CRISPLD1: variants seen among roughly 807,000 people sequenced by gnomAD.
The protein encoded by CRISPLD1 is cysteine rich secretory protein LCCL domain containing 1.
A neutral mutation model predicts 77.5 loss-of-function variants in CRISPLD1; 60 were observed. That is an observed-to-expected ratio of 0.77 (90% confidence interval 0.63 to 0.96). The LOEUF is 0.96. Among genes scored for constraint, CRISPLD1 ranks in the 40% least tolerant of loss-of-function variants. CRISPLD1 has a pLI of 0.00. For missense variants in CRISPLD1, 623 were observed against 615.8 expected, an observed-to-expected ratio of 1.01 and a Z score of -0.12; for synonymous variants, 195 against 200.1, an observed-to-expected ratio of 0.97 and a Z score of 0.22.
At position 75,016,651 on chromosome 8, in the gene CRISPLD1, C is replaced by T. The variant is rs372412795; in HGVS notation, c.814C>T (p.Arg272Trp). ...GTCACAAGTCCATGACACCCATGTC[C>T]GGACAAGATCAGATGATAGTAGCAG... ...QQSQVHDTHV[R>W]TRSDDSSRNE... The change falls in exon 7 of 15, where the codon CGG becomes TGG. Residue 272 changes from arginine (R) to tryptophan (W), a missense_variant. Physicochemically the swap from Arg to Trp is moderately radical, Grantham distance 101. Coordinates refer to ENST00000262207, the MANE Select transcript of CRISPLD1 (RefSeq NM_031461.6). 101 of 1,612,966 alleles carry T rather than the reference C, an allele frequency of 6.3e-5. No homozygotes were observed. Among genetic ancestry groups the T allele is most frequent in the Non-Finnish European group, 8.1e-5 (95 of 1,179,388 alleles).
chr8:75,005,717 T>A (rs1812817057), intron 2 of CRISPLD1, among the ~76,000 whole-genome samples: 1 of 152,134 alleles, frequency 6.6e-6, no homozygotes, highest in African/African-American at 2.4e-5. Context: ...TAAAGAAGGA[T>A]GTTTGGGGAA....
intron 2 of CRISPLD1, among the ~76,000 whole-genome samples, chr8:74,991,565 C>T (rs1264811644): frequency 6.6e-6 from 1 of 152,136 alleles, no homozygotes; most frequent in Non-Finnish European, 1.5e-5. Flanking sequence ...CTCCTTATGC[C>T]CTTGTGCTGG....
rs1268773555 is a variant in CRISPLD1, at chr8:75,012,426, A to C, written c.259-7A>C. 1 of 1,589,732 alleles carries C rather than the reference A, an allele frequency of 6.3e-7. No homozygotes were observed. Among genetic ancestry groups the C allele is most frequent in the Non-Finnish European group, 8.6e-7 (1 of 1,158,268 alleles). ...TGTGCACATTTTGCTTTTGTTTTAAACTGTAGACATGGGATGTAGAGCTGG... is the reference window on the plus strand; with the variant it reads ...TGTGCACATTTTGCTTTTGTTTTAACCTGTAGACATGGGATGTAGAGCTGG... On this transcript the variant is annotated splice_region_variant and splice_polypyrimidine_tract_variant and intron_variant, in intron 2 of 14. Transcript: ENST00000262207.
At chr8:75,017,552 G>A (rs1409124395) in intron 10 of CRISPLD1, 102 bp downstream of exon 10, 1 of 1,035,000 alleles carries the variant, frequency 9.7e-7, no homozygotes, top group Non-Finnish European at 1.3e-6. Context: ...TAAGAAGAAA[G>A]AATTTGGTTA....
At position 75,034,236 on chromosome 8, in the gene CRISPLD1, A is replaced by G. The variant is rs1813407272; in HGVS notation, c.*1994A>G. ...TGTTCATATTGTTTACCTATCTTCT[A>G]CACAAGGCGTGTCCTTGGGTAAGTT... is the stretch of plus-strand genomic sequence containing the variant. On this transcript the variant is annotated 3_prime_UTR_variant, in exon 15 of 15. Transcript: ENST00000262207. 6.6e-6 allele frequency: 1 copy of G among 152,108 alleles called. No homozygotes were observed. Among genetic ancestry groups the G allele is most frequent in the South Asian group, 2.1e-4 (1 of 4,826 alleles). 9.4% of individuals were successfully genotyped at this position (152,108 alleles called of 1,614,324 possible). A position where few individuals can be genotyped will look rare whatever the true frequency, so the allele number is the denominator to read the frequency against.
In CRISPLD1 at chr8:75,016,724, T is replaced by C. The variant is rs1191869847; in HGVS notation, c.868+19T>C. The C allele has an allele frequency of 6.3e-7, 1 of 1,591,150 alleles. No homozygotes were observed. Among genetic ancestry groups the C allele is most frequent in the Non-Finnish European group, 8.5e-7 (1 of 1,170,780 alleles). On this transcript the variant is annotated intron_variant, in intron 7 of 14. Coordinates refer to ENST00000262207, the MANE Select transcript of CRISPLD1 (RefSeq NM_031461.6). The stretch of plus-strand genomic sequence containing the variant: ...CAAATGTGTAAGACCTCCATATTAC[T>C]TATAAAAATTTTCAAAGTACATAAA...
chr8:75,006,357 C>T (rs1812830909), intron 2 of CRISPLD1, among the ~76,000 whole-genome samples: 1 of 152,262 alleles, frequency 6.6e-6, no homozygotes, highest in African/African-American at 2.4e-5. Context: ...AGTTGTACAA[C>T]AAATTCAATC....
At position 74,986,158 on chromosome 8, in the gene CRISPLD1, C is replaced by G. The variant is rs561721335; in HGVS notation, c.171C>G (p.Ile57Met). 1.4e-5 allele frequency: 23 copies of G among 1,614,082 alleles called. No homozygotes were observed. In the Admixed American group the frequency reaches 3.7e-4, roughly 26 times the overall value. ...WIAKQRGKRA[I>M]TDNDMQSILD... is the part of the protein sequence containing the mutation. Reference sequence around the variant, plus strand: ...CCAAACAACGAGGGAAAAGGGCCATCACAGACAATGACATGCAGAGTATTT... The same window carrying G: ...CCAAACAACGAGGGAAAAGGGCCATGACAGACAATGACATGCAGAGTATTT... Residue 57 changes from isoleucine (I) to methionine (M), a missense_variant, in exon 2 of 15, where the codon ATC (isoleucine) becomes ATG (methionine). Physicochemically the swap from Ile to Met is conservative, Grantham distance 10. Coordinates refer to ENST00000262207, the MANE Select transcript of CRISPLD1 (RefSeq NM_031461.6).
chr8:75,026,189 C>T (rs1202783924), intron 13 of CRISPLD1, among the ~76,000 whole-genome samples: 1 of 152,052 alleles, frequency 6.6e-6, no homozygotes, highest in Non-Finnish European at 1.5e-5. Context: ...CTCAAGTGAT[C>T]CTCCTGCCTC....
chr8:75,025,601 G>A lies in CRISPLD1; in HGVS notation c.1300G>A (p.Gly434Arg), dbSNP rs1237470962. The change falls in exon 13 of 15, where the codon GGA becomes AGA. Residue 434 changes from glycine to arginine, a missense_variant. Gly to Arg is a moderately radical substitution (Grantham distance 125, BLOSUM62 -2). Transcript: ENST00000262207. ...QANPHYARVIGTRVYSDLSSI... is the reference protein window; with the variant it reads ...QANPHYARVIRTRVYSDLSSI... ...AAATCCACATTATGCTCGTGTAATT[G>A]GAACTCGAGTTTATTCTGATGTAAG... The A allele has an allele frequency of 1.3e-6, 2 of 1,581,944 alleles. No individual in the cohort carries two copies. Among genetic ancestry groups the A allele is most frequent in the Admixed American group, 1.7e-5 (1 of 59,752 alleles).
At chr8:75,025,472 CTG>C in intron 12 of CRISPLD1, 72 bp from the exon 13 acceptor site, 2 of 527,366 alleles carry the variant, frequency 3.8e-6, no homozygotes, top group South Asian at 9.8e-5. Context: ...GTATGCATAT[CTG>C]TGGTTTTACT....
chr8:75,031,500 A>C (rs745533740), intron 14 of CRISPLD1, among the ~76,000 whole-genome samples: 36 of 151,934 alleles, frequency 2.4e-4, no homozygotes, highest in Admixed American at 2.6e-4. Flanking sequence ...AATAAAGAGT[A>C]AAATTTATGA....
At chr8:75,008,991 T>A (rs1475189312) in intron 2 of CRISPLD1, among the ~76,000 whole-genome samples, 1 of 152,196 alleles carries the variant, frequency 6.6e-6, no homozygotes, top group Non-Finnish European at 1.5e-5. Context: ...GAACTAGTTG[T>A]ATATCTTTTC....
At chr8:75,022,951 A>T (rs1388488000) in intron 12 of CRISPLD1, among the ~76,000 whole-genome samples, 2 of 152,002 alleles carry the variant, frequency 1.3e-5, no homozygotes, top group Non-Finnish European at 2.9e-5. Flanking sequence ...AAGAAATGTT[A>T]TCCAGTTTTA....
chr8:75,025,764 C>CA, intron 13 of CRISPLD1, 143 bp downstream of exon 13: 1 of 370,716 alleles, frequency 2.7e-6, no homozygotes. Context: ...GTTAAACATC[C>CA]ATATCACTGA....
rs751987891 is a variant in CRISPLD1, at chr8:75,014,109, A to G, written c.626+7A>G. 1 of 1,520,198 alleles carries G rather than the reference A, an allele frequency of 6.6e-7. No homozygotes were observed. Among genetic ancestry groups the G allele is most frequent in the Non-Finnish European group, 9.1e-7 (1 of 1,094,718 alleles). The allele number at this position is 1,520,198 out of a possible 1,614,324, so 94.2% of individuals were successfully genotyped here. On this transcript the variant is annotated splice_region_variant and intron_variant, in intron 5 of 14. Transcript: ENST00000262207. ...TGTGCAATTACTCCCCAAAGTGAGTAGACAAAACACTACGTTCAGATGTAC... is the reference window on the plus strand; with the variant it reads ...TGTGCAATTACTCCCCAAAGTGAGTGGACAAAACACTACGTTCAGATGTAC...
At position 75,034,347 on chromosome 8, in the gene CRISPLD1, G is replaced by C. The variant is rs373494863; in HGVS notation, c.*2105G>C. 18 of 152,152 alleles carry C rather than the reference G, an allele frequency of 1.2e-4. No homozygotes were observed. The South Asian group carries it at 2.3e-3, about 19-fold the overall frequency. The allele number at this position is 152,152 out of a possible 1,614,324, so 9.4% of individuals were successfully genotyped here. On this transcript the variant is annotated 3_prime_UTR_variant, in exon 15 of 15. Transcript: ENST00000262207. ...CTACGAATTAATTGACACATTATGT[G>C]TGATGTACTTAAAGGAATAATAAAT...
chr8:74,999,760 ATTTCT>A (rs1812706062), intron 2 of CRISPLD1, among the ~76,000 whole-genome samples: 1 of 150,522 alleles, frequency 6.6e-6, no homozygotes, highest in Non-Finnish European at 1.5e-5. Flanking sequence ...GGAAAATGAA[ATTTCT>A]TTTTCTTTTC....
intron 13 of CRISPLD1, 106 bp from the exon 14 acceptor site, chr8:75,029,281 T>G: frequency 8.8e-7 from 1 of 1,129,954 alleles, no homozygotes; most frequent in Non-Finnish European, 1.2e-6. Flanking sequence ...TGGCTATCCA[T>G]GACATCAGGA....
Sources: gnomAD v4.1 joint callset for allele counts (sites outside exome capture counted in the v4.1 genomes callset) on GRCh38, gnomAD v4.1.1 for gene constraint, MANE v1.5 for transcripts, NCBI Gene and HGNC (gene_info 2026-07-23, HGNC 2026-07-21) for gene names.